The following RTKN2 variants were observed in gnomAD, a reference collection of about 807,000 sequenced individuals.
RTKN2 encodes the protein rhotekin 2.
RTKN2 carries 69 observed loss-of-function variants against 71.5 expected under a neutral mutation model. The ratio of observed to expected loss-of-function variants is 0.96; its 90% CI spans 0.79 to 1.18. The LOEUF is 1.18. RTKN2 is among the 50% of genes most tolerant of loss of function. RTKN2 has a pLI of 0.00. For missense variants in RTKN2, 724 were observed against 719.7 expected (o/e 1.01, Z -0.07); for synonymous variants, 236 against 236.5 (o/e 1.00, Z 0.02).
chr10:62,260,969 T>A (rs1330255161), intron 2 of RTKN2, among the ~76,000 whole-genome samples: 1 of 152,168 alleles, frequency 6.6e-6, no homozygotes, highest in Non-Finnish European at 1.5e-5. Context: ...TCCCCAGGAA[T>A]AAGAAAGCAG....
downstream of RTKN2, among the ~76,000 whole-genome samples, chr10:62,192,972 T>C (rs954815322): frequency 1.8e-4 from 27 of 152,180 alleles, no homozygotes; most frequent in African/African-American, 6.3e-4. Flanking sequence ...GTTATATCTA[T>C]AGTATTATAT....
chr10:62,226,081 A>G (rs930925365), intron 6 of RTKN2, among the ~76,000 whole-genome samples: 6 of 152,106 alleles, frequency 3.9e-5, no homozygotes, highest in African/African-American at 1.4e-4. Context: ...TGCGCCCGGC[A>G]ACAACTGTAT....
At chr10:62,220,813 G>C (rs1457480356) in intron 7 of RTKN2, among the ~76,000 whole-genome samples, 2 of 151,992 alleles carry the variant, frequency 1.3e-5, no homozygotes, top group African/African-American at 4.8e-5. Context: ...TACACTCATA[G>C]TGGTGACATA....
Position 62,206,755 on chromosome 10 carries a change from T to C in RTKN2, c.1021-1733A>G, listed in dbSNP as rs541458522. Among the ~76,000 whole-genome samples the C allele has an allele frequency of 1.2e-4, 18 of 152,202 alleles. No homozygotes were observed. In the East Asian group the frequency reaches 3.1e-3, roughly 26 times the overall value. On this transcript the variant is annotated intron_variant, in intron 9 of 11. Coordinates refer to ENST00000373789, the MANE Select transcript of RTKN2 (RefSeq NM_145307.4). Reference sequence around the variant, plus strand: ...GCCCAGTATCTTAATTTTATCATAATAGAGTCTTTTTACACTTCTATGTCT... The same window carrying C: ...GCCCAGTATCTTAATTTTATCATAACAGAGTCTTTTTACACTTCTATGTCT...
chr10:62,202,964 C>T (rs1321244342), intron 10 of RTKN2, among the ~76,000 whole-genome samples: 1 of 152,096 alleles, frequency 6.6e-6, no homozygotes, highest in Non-Finnish European at 1.5e-5. Context: ...AGTTTGAGAC[C>T]AGCCTGACCA....
chr10:62,265,057 T>C (rs78425237), intron 1 of RTKN2, among the ~76,000 whole-genome samples: 74 of 151,650 alleles, frequency 4.9e-4, no homozygotes, highest in African/African-American at 1.3e-3. Context: ...CATAAAACTA[T>C]AGAAGCTTGG....
chr10:62,221,333 C>T (rs761228766), intron 7 of RTKN2, among the ~76,000 whole-genome samples: 2 of 151,578 alleles, frequency 1.3e-5, no homozygotes, highest in African/African-American at 2.4e-5. Flanking sequence ...TTAATTCAAA[C>T]AAGGAAAAAT....
At chr10:62,200,221 G>A (rs1389747243) in intron 10 of RTKN2, among the ~76,000 whole-genome samples, 1 of 151,784 alleles carries the variant, frequency 6.6e-6, no homozygotes, top group East Asian at 1.9e-4. Flanking sequence ...AAATTAGCTG[G>A]GTATGGTGGC....
At chr10:62,253,427 G>A (rs771348459) in intron 2 of RTKN2, among the ~76,000 whole-genome samples, 10 of 152,074 alleles carry the variant, frequency 6.6e-5, no homozygotes, top group Non-Finnish European at 1.3e-4. Context: ...GTACAAGACA[G>A]TTCAATGGGT....
At chr10:62,203,676 G>A (rs775901851) in intron 10 of RTKN2, among the ~76,000 whole-genome samples, 3 of 152,128 alleles carry the variant, frequency 2.0e-5, no homozygotes, top group Non-Finnish European at 4.4e-5. Context: ...TGTGGTACAC[G>A]CTGATAAGCA....
At chr10:62,218,917 C>T (rs550991932) in intron 7 of RTKN2, among the ~76,000 whole-genome samples, 220 of 152,150 alleles carry the variant, frequency 1.4e-3, no homozygotes, top group African/African-American at 5.1e-3. Flanking sequence ...GCCCAGGAGG[C>T]GGAGGTTGCA....
chr10:62,252,520 A>G (rs770794707), intron 2 of RTKN2, among the ~76,000 whole-genome samples: 1 of 152,148 alleles, frequency 6.6e-6, no homozygotes, highest in Non-Finnish European at 1.5e-5. Context: ...ATTTAATTGC[A>G]TATCAAAGAC....
intron 4 of RTKN2, among the ~76,000 whole-genome samples, chr10:62,240,872 C>T (rs1842359355): frequency 6.6e-6 from 1 of 152,092 alleles, no homozygotes; most frequent in Non-Finnish European, 1.5e-5. Context: ...TCCATATTTC[C>T]CTTCCCCCGT....
intron 6 of RTKN2, 100 bp downstream of exon 6, chr10:62,235,966 G>GT (rs1250464034): frequency 1.1e-6 from 1 of 881,746 alleles, no homozygotes; most frequent in Admixed American, 2.8e-5. Context: ...GTTTCCTGAT[G>GT]TTTTTCCATT....
At chr10:62,265,457 T>C (rs1191401760) in intron 1 of RTKN2, among the ~76,000 whole-genome samples, 2 of 152,176 alleles carry the variant, frequency 1.3e-5, no homozygotes, top group Non-Finnish European at 2.9e-5. Flanking sequence ...ACTATAATCT[T>C]ACCTCCCTCG....
At chr10:62,208,025 T>C (rs557095566) in intron 9 of RTKN2, among the ~76,000 whole-genome samples, 1 of 152,260 alleles carries the variant, frequency 6.6e-6, no homozygotes, top group African/African-American at 2.4e-5. Flanking sequence ...TTGCTTTTCG[T>C]CAGTCTGCAA....
At chr10:62,236,737 A>G (rs1842267066) in intron 5 of RTKN2, among the ~76,000 whole-genome samples, 1 of 152,060 alleles carries the variant, frequency 6.6e-6, no homozygotes, top group South Asian at 2.1e-4. Flanking sequence ...AAAACAGATA[A>G]AGAAAATAAG....
At chr10:62,189,284 C>T (rs898718908), downstream of RTKN2, among the ~76,000 whole-genome samples, 3 of 152,032 alleles carry the variant, frequency 2.0e-5, no homozygotes, top group Non-Finnish European at 4.4e-5. Context: ...AAAAAATGTC[C>T]TCAGACATAG....
chr10:62,245,881 C>A, intron 3 of RTKN2, 118 bp downstream of exon 3: 1 of 642,334 alleles, frequency 1.6e-6, no homozygotes, highest in Non-Finnish European at 2.8e-6. Context: ...AACAAATATT[C>A]TGATAGAGGT....
Sources: allele counts gnomAD v4.1 joint callset (sites outside exome capture counted in the v4.1 genomes callset), GRCh38; gene constraint gnomAD v4.1.1; transcripts MANE v1.5; gene names NCBI Gene and HGNC (gene_info 2026-07-23, HGNC 2026-07-21).